CDYL2: variants seen among roughly 807,000 people sequenced by gnomAD.
CDYL2 encodes the protein chromodomain Y-like protein 2.
In CDYL2, 23 loss-of-function variants were observed where a neutral mutation model predicts 49.4. The ratio of observed to expected loss-of-function variants is 0.47; its 90% CI spans 0.34 to 0.66. The LOEUF (loss-of-function observed/expected upper bound fraction) is 0.66. Ranked by LOEUF, CDYL2 falls within the 30% of genes least tolerant of loss-of-function variation. The probability of loss-of-function intolerance (pLI) is 0.01; values close to 1 mark genes in which losing one functional copy is unlikely to be tolerated. For missense variants in CDYL2, 678 were observed against 656.4 expected, an observed-to-expected ratio of 1.03 and a Z score of -0.36; for synonymous variants, 360 against 268.8, an observed-to-expected ratio of 1.34 and a Z score of -3.32.
At chr16:80,651,505 G>A (rs1483116630) in intron 2 of CDYL2, among the ~76,000 whole-genome samples, 3 of 152,172 alleles carry the variant, frequency 2.0e-5, no homozygotes, top group Non-Finnish European at 4.4e-5. Flanking sequence ...TACTCTGCAT[G>A]ATACTACAAT....
At chr16:80,708,841 C>G (rs1904493396) in intron 1 of CDYL2, among the ~76,000 whole-genome samples, 1 of 151,964 alleles carries the variant, frequency 6.6e-6, no homozygotes, top group Admixed American at 6.6e-5. Flanking sequence ...ATAGAGCAGA[C>G]AGGAATCTGG....
chr16:80,637,685 T>C (rs1019665103), intron 2 of CDYL2, among the ~76,000 whole-genome samples: 7 of 152,170 alleles, frequency 4.6e-5, no homozygotes, highest in African/African-American at 1.7e-4. Context: ...TAATATTCAA[T>C]AGTACAATGG....
intron 1 of CDYL2, among the ~76,000 whole-genome samples, chr16:80,765,586 C>T (rs1321226229): frequency 6.6e-6 from 1 of 151,680 alleles, no homozygotes; most frequent in Non-Finnish European, 1.5e-5. Context: ...AAATGAAAGC[C>T]GATCTGCACG....
intron 2 of CDYL2, among the ~76,000 whole-genome samples, chr16:80,668,612 T>C (rs936585963): frequency 2.0e-5 from 3 of 152,018 alleles, no homozygotes; most frequent in African/African-American, 4.8e-5. Context: ...AGGGAGAATA[T>C]GGAGACTTTA....
chr16:80,610,072 T>C (rs1906525598), intron 5 of CDYL2, among the ~76,000 whole-genome samples: 1 of 151,950 alleles, frequency 6.6e-6, no homozygotes, highest in Admixed American at 6.6e-5. Context: ...TAGCAAAAAT[T>C]TGCTATTTTT....
intron 1 of CDYL2, among the ~76,000 whole-genome samples, chr16:80,701,393 T>A (rs921743916): frequency 1.7e-4 from 25 of 148,902 alleles, no homozygotes; most frequent in African/African-American, 6.0e-4. Context: ...TCTATTCAAA[T>A]TCTTCTGTAA....
chr16:80,699,916 G>A (rs1003971730), intron 1 of CDYL2, among the ~76,000 whole-genome samples: 5 of 150,666 alleles, frequency 3.3e-5, no homozygotes, highest in Admixed American at 6.6e-5. Flanking sequence ...CGCCCAGGCC[G>A]GAGTGCAGTG....
chr16:80,782,762 T>C (rs374575550), intron 1 of CDYL2, among the ~76,000 whole-genome samples: 3 of 151,864 alleles, frequency 2.0e-5, no homozygotes, highest in South Asian at 2.1e-4. Context: ...GTCATCCCAA[T>C]TGACAGAGAA....
chr16:80,743,082 A>G (rs978223585), intron 1 of CDYL2, among the ~76,000 whole-genome samples: 1 of 152,158 alleles, frequency 6.6e-6, no homozygotes, highest in Non-Finnish European at 1.5e-5. Context: ...GGACGGACTC[A>G]TTGATGGTCT....
chr16:80,732,133 A>T (rs10514509), intron 1 of CDYL2, among the ~76,000 whole-genome samples: 64,058 of 152,096 alleles, frequency 0.42, 16,233 homozygotes, highest in Middle Eastern at 0.6. Context: ...TATTGACGAA[A>T]TCCATAATGA....
chr16:80,735,631 G>C lies in CDYL2; in HGVS notation c.25-50502C>G, dbSNP rs13335702. Among the ~76,000 whole-genome samples, 660 of 152,292 alleles carry C rather than the reference G, an allele frequency of 4.3e-3. 5 individuals carry two copies. The highest frequency in any genetic ancestry group is 0.015 in the African/African-American group (636 of 41,554). ...CAGACCCCCAGGGAATGGCCCCCAG[G>C]CTCCAACTAGAGCTCTGGTGTCTAT... On this transcript the variant is annotated intron_variant, in intron 1 of 6. Transcript: ENST00000570137.
At chr16:80,785,284 C>G (rs1907398283) in intron 1 of CDYL2, among the ~76,000 whole-genome samples, 1 of 152,108 alleles carries the variant, frequency 6.6e-6, no homozygotes, top group Non-Finnish European at 1.5e-5. Flanking sequence ...TATAAAATCA[C>G]TGTGCAAAAA....
chr16:80,617,486 G>A (rs559566117), intron 4 of CDYL2, among the ~76,000 whole-genome samples: 14 of 152,324 alleles, frequency 9.2e-5, no homozygotes, highest in East Asian at 5.8e-4. Flanking sequence ...ATGACAGTGC[G>A]CTTCTCTCAG....
chr16:80,662,148 T>C (rs1022993408), intron 2 of CDYL2, among the ~76,000 whole-genome samples: 2 of 152,220 alleles, frequency 1.3e-5, no homozygotes, highest in Non-Finnish European at 2.9e-5. Flanking sequence ...GCAATCCAGT[T>C]GATCTCACAC....
chr16:80,689,782 C>G (rs889468701), intron 1 of CDYL2, among the ~76,000 whole-genome samples: 1 of 152,228 alleles, frequency 6.6e-6, no homozygotes, highest in East Asian at 1.9e-4. Context: ...GTGAGAAACA[C>G]AGGCCTTAAA....
chr16:80,634,604 C>G (rs1907733295), intron 2 of CDYL2, among the ~76,000 whole-genome samples: 1 of 151,982 alleles, frequency 6.6e-6, no homozygotes, highest in African/African-American at 2.4e-5. Context: ...ATGTAACCTG[C>G]ACATTGTGCA....
At chr16:80,701,590 A>C (rs953183554) in intron 1 of CDYL2, among the ~76,000 whole-genome samples, 1 of 152,228 alleles carries the variant, frequency 6.6e-6, no homozygotes, top group South Asian at 2.1e-4. Flanking sequence ...CTTTCACAAG[A>C]AATATTGGAA....
intron 1 of CDYL2, among the ~76,000 whole-genome samples, chr16:80,773,064 C>T (rs966430353): frequency 6.6e-6 from 1 of 151,946 alleles, no homozygotes; most frequent in Admixed American, 6.6e-5. Flanking sequence ...TACAAAGATA[C>T]ATGTAAAACA....
chr16:80,619,759 G>C (rs1272252703), intron 4 of CDYL2, among the ~76,000 whole-genome samples: 1 of 152,196 alleles, frequency 6.6e-6, no homozygotes, highest in Non-Finnish European at 1.5e-5. Context: ...GAAACACACG[G>C]GTATTTCGGA....
Sources: allele counts gnomAD v4.1 joint callset (sites outside exome capture counted in the v4.1 genomes callset), GRCh38; gene constraint gnomAD v4.1.1; transcripts MANE v1.5; gene names NCBI Gene and HGNC (gene_info 2026-07-23, HGNC 2026-07-21).